The following FAM184A variants were observed in gnomAD, a reference collection of about 807,000 sequenced individuals.
FAM184A encodes protein FAM184A.
FAM184A carries 99 observed loss-of-function variants against 143.8 expected under a neutral mutation model. The ratio of observed to expected loss-of-function variants is 0.69; its 90% confidence interval spans 0.58 to 0.81. The LOEUF (loss-of-function observed/expected upper bound fraction) is 0.81, where lower values mean the gene tolerates loss of function less well. FAM184A is among the 40% of genes least tolerant of loss of function. The pLI, the probability that FAM184A is intolerant of heterozygous loss-of-function variation, is 0.00. For synonymous variants in FAM184A, 427 were observed against 446.4 expected, an observed-to-expected ratio of 0.96 and a Z score of 0.55; for missense variants, 1,217 against 1,310.5, an observed-to-expected ratio of 0.93 and a Z score of 1.10.
intron 9 of FAM184A, among the ~76,000 whole-genome samples, chr6:118,996,658 C>T (rs952276721): frequency 6.6e-6 from 1 of 152,120 alleles, no homozygotes; most frequent in Non-Finnish European, 1.5e-5. Context: ...GGGTCAGCTT[C>T]ACTATCTGCT....
chr6:119,144,760 A>C (rs1168406675), intron 1 of FAM184A, among the ~76,000 whole-genome samples: 4 of 152,170 alleles, frequency 2.6e-5, no homozygotes, highest in Non-Finnish European at 5.9e-5. Context: ...AAGAAATGGG[A>C]GACAGTGCTG....
intron 1 of FAM184A, among the ~76,000 whole-genome samples, chr6:119,062,083 T>C (rs746672147): frequency 1.4e-4 from 22 of 152,122 alleles, no homozygotes; most frequent in Non-Finnish European, 3.2e-4. Flanking sequence ...CACAGCCAAC[T>C]AGATTTTACA....
chr6:119,044,651 T>C lies in FAM184A; in HGVS notation c.160-19838A>G, dbSNP rs115093523. Among the ~76,000 whole-genome samples the C allele has an allele frequency of 6.2e-3, 940 of 152,036 alleles. 7 individuals carry two copies. Among genetic ancestry groups the C allele is most frequent in the African/African-American group, 0.021 (875 of 41,456 alleles). ...AACTATCAATGAAGCAATGAACACT[T>C]TGAAAAAAAAAATTAAGAAAACAAT... On this transcript the variant is annotated intron_variant, in intron 1 of 17. Coordinates refer to ENST00000338891, the MANE Select transcript of FAM184A (RefSeq NM_024581.6).
intron 14 of FAM184A, among the ~76,000 whole-genome samples, chr6:118,974,032 G>T (rs1783773291): frequency 6.6e-6 from 1 of 152,148 alleles, no homozygotes; most frequent in Non-Finnish European, 1.5e-5. Flanking sequence ...TATTTGTTAA[G>T]ATATTTTGAT....
chr6:119,109,757 T>G (rs909986253), intron 1 of FAM184A, among the ~76,000 whole-genome samples: 1 of 152,194 alleles, frequency 6.6e-6, no homozygotes, highest in African/African-American at 2.4e-5. Context: ...CTCTGCTATT[T>G]ATTATTTATT....
At chr6:119,003,936 A>T (rs1784846154) in intron 7 of FAM184A, among the ~76,000 whole-genome samples, 1 of 152,208 alleles carries the variant, frequency 6.6e-6, no homozygotes, top group African/African-American at 2.4e-5. Context: ...CGGTAGACTG[A>T]TTATCCAATT....
chr6:119,072,578 TTTTGGTG>T (rs1198488032), intron 1 of FAM184A, among the ~76,000 whole-genome samples: 1 of 152,200 alleles, frequency 6.6e-6, no homozygotes, highest in Non-Finnish European at 1.5e-5. Flanking sequence ...AATTCACTGG[TTTTGGTG>T]TTATATAAAC....
rs181853378 is a variant in FAM184A at position 119,106,633 on chromosome 6, G to T, written c.-202+42445C>A. Among the ~76,000 whole-genome samples the T allele has an allele frequency of 7.2e-5, 11 of 152,242 alleles. No homozygotes were observed. In the East Asian group the frequency reaches 2.1e-3, roughly 29 times the overall value. On this transcript the variant is annotated intron_variant, in intron 1 of 16. Transcript: ENST00000352896. ...ACTCAGTATAACTACTTAATTGGTT[G>T]GCTCTAACTTTAGTTTTGAAACTAA...
At position 119,015,608 on chromosome 6, in the gene FAM184A, C is replaced by G. The variant is rs534264057; in HGVS notation, c.1530+1139G>C. 2.5e-4 allele frequency among the ~76,000 whole-genome samples: 38 copies of G among 152,356 alleles called. No individual in the cohort carries two copies. In the South Asian group the frequency reaches 7.5e-3, roughly 30 times the overall value. The stretch of plus-strand genomic sequence containing the variant: ...AGCCCGCCATGCCTGAGCCTTCCCC[C>G]GCCTCCGTGGGTTCCTGTGCAACCC... On this transcript the variant is annotated intron_variant, in intron 5 of 17. Transcript: ENST00000338891.
At chr6:119,066,490 G>A (rs1480958181) in intron 1 of FAM184A, among the ~76,000 whole-genome samples, 8 of 152,282 alleles carry the variant, frequency 5.3e-5, no homozygotes, top group African/African-American at 7.2e-5. Context: ...GTATTAGAAC[G>A]TGAACATCTT....
At chr6:119,067,826 G>A (rs1787515260) in intron 1 of FAM184A, among the ~76,000 whole-genome samples, 1 of 152,074 alleles carries the variant, frequency 6.6e-6, no homozygotes, top group Admixed American at 6.5e-5. Flanking sequence ...AGAAAATATA[G>A]CTGGGCACAG....
intron 1 of FAM184A, among the ~76,000 whole-genome samples, chr6:119,115,840 A>C (rs969509201): frequency 3.3e-5 from 5 of 151,746 alleles, no homozygotes; most frequent in African/African-American, 1.2e-4. Flanking sequence ...ATGGTGGCAC[A>C]CGCTTGTAGT....
intron 1 of FAM184A, among the ~76,000 whole-genome samples, chr6:119,124,755 A>AT (rs58090778): frequency 2.5e-4 from 38 of 150,654 alleles, no homozygotes; most frequent in Admixed American, 5.9e-4. Context: ...TATGGCCCTA[A>AT]TTTTTTTTTT....
chr6:119,056,327 A>G (rs1369468757), intron 1 of FAM184A, among the ~76,000 whole-genome samples: 1 of 152,174 alleles, frequency 6.6e-6, no homozygotes, highest in African/African-American at 2.4e-5. Context: ...TCTGATGAAG[A>G]AGAAGATTAA....
intron 1 of FAM184A, among the ~76,000 whole-genome samples, chr6:119,143,104 A>C (rs1772300847): frequency 6.6e-6 from 1 of 152,206 alleles, no homozygotes; most frequent in African/African-American, 2.4e-5. Context: ...TTTAGTTTTC[A>C]GAACTGTGAA....
chr6:119,106,196 T>A (rs1788775170), intron 1 of FAM184A, among the ~76,000 whole-genome samples: 1 of 151,858 alleles, frequency 6.6e-6, no homozygotes, highest in African/African-American at 2.4e-5. Context: ...ATCGAGACCA[T>A]CCTGGCTAAC....
At chr6:119,122,513 A>T (rs1485922975) in intron 1 of FAM184A, among the ~76,000 whole-genome samples, 1 of 152,202 alleles carries the variant, frequency 6.6e-6, no homozygotes, top group Non-Finnish European at 1.5e-5. Context: ...AATGTATGCC[A>T]AGTAGAGAGG....
intron 1 of FAM184A, among the ~76,000 whole-genome samples, chr6:119,148,238 A>G (rs1203998523): frequency 6.6e-6 from 1 of 152,114 alleles, no homozygotes; most frequent in Non-Finnish European, 1.5e-5. Flanking sequence ...GCTTGGCTGG[A>G]CTTCTGGTGA....
intron 1 of FAM184A, among the ~76,000 whole-genome samples, chr6:119,119,616 A>G (rs1789157436): frequency 6.6e-6 from 1 of 152,156 alleles, no homozygotes; most frequent in African/African-American, 2.4e-5. Context: ...ATTAAGAAAA[A>G]AAGAGACTGG....
Sources: gnomAD v4.1 joint callset for allele counts (sites outside exome capture counted in the v4.1 genomes callset) on GRCh38, gnomAD v4.1.1 for gene constraint, MANE v1.5 for transcripts, NCBI Gene and HGNC (gene_info 2026-07-23, HGNC 2026-07-21) for gene names.